Variants in MYO3A observed in about 807,000 individuals in gnomAD.
MYO3A encodes myosin-IIIa.
MYO3A carries 180 observed loss-of-function variants against 192.7 expected under a neutral mutation model. That is an observed-to-expected ratio of 0.93 (90% CI 0.83 to 1.06). The LOEUF (loss-of-function observed/expected upper bound fraction) is 1.06, where lower values mean the gene tolerates loss of function less well. Among genes scored for constraint, MYO3A ranks in the 50% least tolerant of loss-of-function variants. The pLI, the probability that MYO3A is intolerant of heterozygous loss-of-function variation, is 0.00. For missense variants in MYO3A, 1,896 were observed against 1,905.0 expected, an observed-to-expected ratio of 1.00 and a Z score of 0.09; for synonymous variants, 628 against 645.3, an observed-to-expected ratio of 0.97 and a Z score of 0.41.
At chr10:25,945,575 T>C (rs1213508209) in intron 2 of MYO3A, among the ~76,000 whole-genome samples, 2 of 152,120 alleles carry the variant, frequency 1.3e-5, no homozygotes, top group Non-Finnish European at 2.9e-5. Flanking sequence ...TTATGTCTAC[T>C]TGGCAAATTG....
chr10:26,097,266 G>T (rs1488928436), intron 17 of MYO3A, among the ~76,000 whole-genome samples: 2 of 151,926 alleles, frequency 1.3e-5, no homozygotes, highest in Non-Finnish European at 2.9e-5. Context: ...ACATACAAGG[G>T]ATCATATAAT....
intron 10 of MYO3A, among the ~76,000 whole-genome samples, chr10:26,046,547 C>T (rs1033308): frequency 0.92 from 139,586 of 152,214 alleles, 64,337 homozygotes; most frequent in African/African-American, 0.98. Flanking sequence ...AGTTGTGCAA[C>T]GTGGACACGT....
intron 6 of MYO3A, among the ~76,000 whole-genome samples, chr10:26,009,731 T>C (rs1841501070): frequency 6.6e-6 from 1 of 152,244 alleles, no homozygotes; most frequent in Admixed American, 6.5e-5. Flanking sequence ...AGGACTTTAC[T>C]TATATTTTTA....
Position 26,021,598 on chromosome 10 carries a change from T to G in MYO3A, c.681T>G (p.Asp227Glu). The G allele has an allele frequency of 6.2e-7, 1 of 1,614,076 alleles. No individual in the cohort carries two copies. Among genetic ancestry groups the G allele is most frequent in the Non-Finnish European group, 8.5e-7 (1 of 1,179,986 alleles). Residue 227 changes from aspartate (D) to glutamate (E), a missense_variant, in exon 8 of 35, where the codon GAT becomes GAG. Physicochemically the swap from Asp to Glu is conservative, Grantham distance 45. Transcript: ENST00000642920. ...GITAIELGDG[D>E]PPLADLHPMR... Reference sequence around the variant, plus strand: ...CGGCCATTGAGCTGGGTGATGGAGATCCTCCACTAGCTGACCTTCATCCCA... The same window carrying G: ...CGGCCATTGAGCTGGGTGATGGAGAGCCTCCACTAGCTGACCTTCATCCCA...
chr10:26,083,999 G>C (rs1394112455), intron 14 of MYO3A, among the ~76,000 whole-genome samples: 2 of 152,152 alleles, frequency 1.3e-5, no homozygotes, highest in African/African-American at 2.4e-5. Context: ...GCAATTTCTA[G>C]ATAGTTCGTA....
At chr10:25,997,009 T>C (rs561244514) in intron 5 of MYO3A, 150 bp from the exon 6 acceptor site, 129 of 648,972 alleles carry the variant, frequency 2.0e-4, no homozygotes, top group Non-Finnish European at 9.8e-5. Context: ...ATGATGTTCT[T>C]TGATGTGACT....
intron 26 of MYO3A, among the ~76,000 whole-genome samples, chr10:26,161,447 T>A (rs1391451980): frequency 6.6e-6 from 1 of 152,202 alleles, no homozygotes; most frequent in Non-Finnish European, 1.5e-5. Context: ...ACTAAGCACC[T>A]GTACATAATG....
intron 20 of MYO3A, among the ~76,000 whole-genome samples, chr10:26,128,844 G>T (rs183120584): frequency 3.3e-5 from 5 of 152,070 alleles, no homozygotes; most frequent in African/African-American, 1.2e-4. Flanking sequence ...AGACAGATGC[G>T]TCCAACAGTT....
intron 7 of MYO3A, among the ~76,000 whole-genome samples, chr10:26,019,162 C>T (rs908720178): frequency 8.6e-5 from 13 of 152,026 alleles, no homozygotes; most frequent in African/African-American, 3.1e-4. Context: ...CTCTCCTACT[C>T]TAAGCAACCA....
Position 26,097,590 on chromosome 10 carries a change from AG to A in MYO3A, c.1776+909del, listed in dbSNP as rs529682561. Among the ~76,000 whole-genome samples the A allele has an allele frequency of 4.5e-4, 69 of 151,974 alleles. 1 individual carries two copies. The South Asian group carries it at 0.013, about 28-fold the overall frequency. On this transcript the variant is annotated intron_variant, in intron 17 of 34. Transcript: ENST00000642920. ...TGTGATGTTCCCCACCCTGTGTCCA[AG>A]TCTTCTCATTGTTCAGTTTCCACAT...
At chr10:26,119,920 C>T (rs1191061126) in intron 17 of MYO3A, among the ~76,000 whole-genome samples, 2 of 151,716 alleles carry the variant, frequency 1.3e-5, no homozygotes, top group East Asian at 3.8e-4. Context: ...CTTTCAGAGG[C>T]CAAGGTGGGC....
intron 10 of MYO3A, among the ~76,000 whole-genome samples, chr10:26,063,073 A>T (rs768063584): frequency 6.6e-6 from 1 of 152,150 alleles, no homozygotes; most frequent in Non-Finnish European, 1.5e-5. Flanking sequence ...TAAATAATTA[A>T]TGAGTAACTC....
chr10:26,170,929 T>C (rs1842017586), intron 29 of MYO3A, among the ~76,000 whole-genome samples: 1 of 152,210 alleles, frequency 6.6e-6, no homozygotes, highest in Non-Finnish European at 1.5e-5. Context: ...CTCTTTCTTC[T>C]TGTGAGCCCT....
intron 29 of MYO3A, among the ~76,000 whole-genome samples, chr10:26,172,387 G>A (rs1842094544): frequency 1.3e-5 from 2 of 152,214 alleles, no homozygotes; most frequent in South Asian, 4.1e-4. Context: ...CTGGAGCTCT[G>A]AAGGGTTGAT....
At chr10:26,062,165 T>G (rs1264438929) in intron 10 of MYO3A, among the ~76,000 whole-genome samples, 1 of 152,162 alleles carries the variant, frequency 6.6e-6, no homozygotes, top group African/African-American at 2.4e-5. Context: ...TTGCAGATCT[T>G]GATGCTTACA....
chr10:26,050,796 A>T (rs11014926), intron 10 of MYO3A, among the ~76,000 whole-genome samples: 3,849 of 152,242 alleles, frequency 0.025, 186 homozygotes, highest in African/African-American at 0.087. Context: ...TCAAAAGCAC[A>T]CAAATCCTCT....
intron 7 of MYO3A, 73 bp downstream of exon 7, chr10:26,016,969 T>A: frequency 1.5e-6 from 2 of 1,375,524 alleles, no homozygotes; most frequent in Non-Finnish European, 2.1e-6. Context: ...GTGTACTCTA[T>A]CTCTGTAAGC....
At chr10:26,211,697 T>C in intron 34 of MYO3A, 146 bp from the exon 35 acceptor site, 2 of 1,275,462 alleles carry the variant, frequency 1.6e-6, no homozygotes, top group Non-Finnish European at 2.2e-6. Context: ...CGTTTGGCCA[T>C]TATCCAGTCG....
At chr10:26,178,903 A>G (rs1386692979) in intron 31 of MYO3A, among the ~76,000 whole-genome samples, 11 of 150,638 alleles carry the variant, frequency 7.3e-5, no homozygotes, top group Non-Finnish European at 1.0e-4. Flanking sequence ...CCAGGTTCTC[A>G]CCATTCTCCT....
Sources: allele counts gnomAD v4.1 joint callset (sites outside exome capture counted in the v4.1 genomes callset), GRCh38; gene constraint gnomAD v4.1.1; transcripts MANE v1.5; gene names NCBI Gene and HGNC (gene_info 2026-07-23, HGNC 2026-07-21).